Variants in PUS7 observed in about 807,000 individuals in gnomAD.
The protein encoded by PUS7 is pseudouridylate synthase 7 homolog.
A neutral mutation model predicts 79.8 loss-of-function variants in PUS7; 48 were observed. The ratio of observed to expected loss-of-function variants is 0.60; its 90% CI spans 0.48 to 0.76. PUS7 has a LOEUF of 0.76. PUS7 is among the 30% of genes least tolerant of loss of function. The probability of loss-of-function intolerance (pLI) is 0.00; values close to 1 mark genes in which losing one functional copy is unlikely to be tolerated. For missense variants in PUS7, 729 were observed against 797.6 expected (o/e 0.91, Z 1.04); for synonymous variants, 286 against 272.2 (o/e 1.05, Z -0.50).
chr7:105,520,763 T>G (rs73190172), intron 1 of PUS7, among the ~76,000 whole-genome samples: 1 of 151,352 alleles, frequency 6.6e-6, no homozygotes, highest in Non-Finnish European at 1.5e-5. Flanking sequence ...CAAGGCCGAG[T>G]GTGGTTGCTC....
intron 9 of PUS7, among the ~76,000 whole-genome samples, chr7:105,473,222 T>C (rs1563360049): frequency 6.6e-6 from 1 of 152,086 alleles, no homozygotes; most frequent in Non-Finnish European, 1.5e-5. Flanking sequence ...TATCTACATA[T>C]TTGATGATTA....
At chr7:105,460,796 G>A (rs1823391956) in intron 14 of PUS7, among the ~76,000 whole-genome samples, 1 of 146,176 alleles carries the variant, frequency 6.8e-6, no homozygotes, top group Non-Finnish European at 1.5e-5. Flanking sequence ...GGAGCTTGCA[G>A]TGAGCCGAGA....
chr7:105,483,135 C>A (rs558992893), intron 7 of PUS7, among the ~76,000 whole-genome samples: 1 of 151,890 alleles, frequency 6.6e-6, no homozygotes, highest in African/African-American at 2.4e-5. Flanking sequence ...CCCTTTTTAT[C>A]TCTAGTGTCA....
intron 1 of PUS7, among the ~76,000 whole-genome samples, chr7:105,518,152 A>C (rs887693255): frequency 2.0e-5 from 3 of 151,900 alleles, no homozygotes; most frequent in South Asian, 2.1e-4. Context: ...TGTCTCAAAA[A>C]ATAAATAAAA....
At chr7:105,466,309 G>C (rs1823641737) in intron 12 of PUS7, among the ~76,000 whole-genome samples, 1 of 152,102 alleles carries the variant, frequency 6.6e-6, no homozygotes, top group Non-Finnish European at 1.5e-5. Context: ...TAAGGCCAGA[G>C]TGCAGTGGTG....
chr7:105,494,882 A>T (rs956447990), intron 6 of PUS7, among the ~76,000 whole-genome samples: 1 of 150,180 alleles, frequency 6.7e-6, no homozygotes, highest in African/African-American at 2.4e-5. Context: ...AGGCTAAGGT[A>T]GGAGGAATGC....
At position 105,502,362 on chromosome 7, in the gene PUS7, G is replaced by A. The variant is rs140398543; in HGVS notation, c.730+58C>T. 6.5e-4 allele frequency: 1,038 copies of A among 1,603,446 alleles called. 8 individuals carry two copies. In the African/African-American group the frequency reaches 0.013, roughly 20 times the overall value. ...AACACGAACGGGCAAGGCTAACGAG[G>A]AGCGGGGCCTGCCGCTCACGGCTGC... On this transcript the variant is annotated intron_variant, in intron 5 of 15. Transcript: ENST00000469408.
At chr7:105,492,500 ATTTTT>A (rs1159017117) in intron 6 of PUS7, among the ~76,000 whole-genome samples, 7 of 87,284 alleles carry the variant, frequency 8.0e-5, no homozygotes, top group South Asian at 7.8e-4. Context: ...GATTTTTTGT[ATTTTT>A]TTTTTTTTTT....
chr7:105,507,349 T>C (rs1054176567), intron 2 of PUS7, among the ~76,000 whole-genome samples: 2 of 151,592 alleles, frequency 1.3e-5, no homozygotes, highest in African/African-American at 2.4e-5. Flanking sequence ...TCTGGCCTGA[T>C]CCATTTTTTA....
At chr7:105,497,682 T>C (rs1825091966) in intron 5 of PUS7, among the ~76,000 whole-genome samples, 1 of 152,208 alleles carries the variant, frequency 6.6e-6, no homozygotes, top group African/African-American at 2.4e-5. Flanking sequence ...TTGGATGTGA[T>C]AATAGTTTGG....
intron 9 of PUS7, among the ~76,000 whole-genome samples, chr7:105,474,795 A>G (rs1824022077): frequency 6.6e-6 from 1 of 152,152 alleles, no homozygotes; most frequent in African/African-American, 2.4e-5. Context: ...ATAAAACACA[A>G]TAAAACAAAA....
chr7:105,517,636 T>A (rs1054561464), intron 1 of PUS7, among the ~76,000 whole-genome samples: 1 of 152,106 alleles, frequency 6.6e-6, no homozygotes, highest in African/African-American at 2.4e-5. Context: ...GCTGGGCATG[T>A]GTGCATGTAG....
chr7:105,511,441 TTAAAA>T (rs1562821063), intron 1 of PUS7, among the ~76,000 whole-genome samples: 1 of 145,780 alleles, frequency 6.9e-6, no homozygotes, highest in African/African-American at 2.6e-5. Flanking sequence ...AAATTTTCAT[TTAAAA>T]AAAAAAAAAA....
intron 1 of PUS7, among the ~76,000 whole-genome samples, chr7:105,517,915 C>T (rs370233193): frequency 3.9e-5 from 6 of 152,232 alleles, no homozygotes; most frequent in African/African-American, 9.6e-5. Flanking sequence ...TTTCGGAGTC[C>T]GAGGTGGGCA....
chr7:105,475,352 A>AT (rs767351215), intron 9 of PUS7, among the ~76,000 whole-genome samples: 50 of 151,464 alleles, frequency 3.3e-4, no homozygotes, highest in South Asian at 1.0e-3. Context: ...CGCCTGGCTA[A>AT]TTTTTTATAT....
At chr7:105,485,215 C>T (rs1323484314) in intron 7 of PUS7, among the ~76,000 whole-genome samples, 1 of 150,622 alleles carries the variant, frequency 6.6e-6, no homozygotes, top group Non-Finnish European at 1.5e-5. Context: ...TTGTTGTTGT[C>T]GTCGTTGTTT....
intron 1 of PUS7, among the ~76,000 whole-genome samples, chr7:105,518,487 C>T (rs1002403873): frequency 1.3e-5 from 2 of 151,882 alleles, no homozygotes; most frequent in Non-Finnish European, 2.9e-5. Context: ...AATGCAGCCT[C>T]GACCTCCCAG....
chr7:105,507,026 C>T (rs1228947239), intron 2 of PUS7, among the ~76,000 whole-genome samples: 1 of 151,996 alleles, frequency 6.6e-6, no homozygotes, highest in East Asian at 1.9e-4. Flanking sequence ...GTAATATGAT[C>T]CATTTAAAAA....
intron 15 of PUS7, 50 bp downstream of exon 15, chr7:105,459,118 T>C: frequency 4.9e-6 from 6 of 1,231,562 alleles, no homozygotes; most frequent in Non-Finnish European, 6.8e-6. Flanking sequence ...TGTTTTTGTT[T>C]AACAAAACAT....
Sources: allele counts gnomAD v4.1 joint callset (sites outside exome capture counted in the v4.1 genomes callset), GRCh38; gene constraint gnomAD v4.1.1; transcripts MANE v1.5; gene names NCBI Gene and HGNC (gene_info 2026-07-23, HGNC 2026-07-21).